Variants in ZER1 observed in about 807,000 individuals in gnomAD.
ZER1 encodes the protein protein zer-1 homolog.
In ZER1, 11 loss-of-function variants were observed where a neutral mutation model predicts 78.8. The ratio of observed to expected loss-of-function variants is 0.14; its 90% confidence interval spans 0.09 to 0.23. The LOEUF is 0.23. Ranked by LOEUF, ZER1 falls within the 10% of genes least tolerant of loss-of-function variation. The pLI is 1.00. For missense variants in ZER1, 588 were observed against 996.9 expected, an observed-to-expected ratio of 0.59 and a Z score of 5.52; for synonymous variants, 400 against 407.0, an observed-to-expected ratio of 0.98 and a Z score of 0.21.
At chr9:128,763,253 G>A (rs530436339) in intron 1 of ZER1, among the ~76,000 whole-genome samples, 1 of 152,282 alleles carries the variant, frequency 6.6e-6, no homozygotes, top group Admixed American at 6.5e-5. Context: ...TCACGTAGCT[G>A]ATACCTATGG....
Position 128,740,167 on chromosome 9 carries a change from C to T in ZER1, c.1854-48G>A. 6.6e-7 allele frequency: 1 copy of T among 1,523,676 alleles called. No homozygotes were observed. The highest frequency in any genetic ancestry group is 2.4e-5 in the East Asian group (1 of 41,040). The allele number at this position is 1,523,676 out of a possible 1,614,324, so 94.4% of individuals were successfully genotyped here. Reference sequence around the variant, plus strand: ...ATGGAGTCCCACTCCCCCAGTTTCTCTTCAGATACCAGCGGCAGGACCCCA... The same window carrying T: ...ATGGAGTCCCACTCCCCCAGTTTCTTTTCAGATACCAGCGGCAGGACCCCA... On this transcript the variant is annotated intron_variant, in intron 12 of 15. Transcript: ENST00000291900. The surrounding 1 kb of genome is among the most constrained non-coding windows in gnomAD (Gnocchi z 4.4).
At chr9:128,735,133 G>A (rs954829437) in intron 14 of ZER1, among the ~76,000 whole-genome samples, 1 of 152,226 alleles carries the variant, frequency 6.6e-6, no homozygotes, top group Non-Finnish European at 1.5e-5. Flanking sequence ...TATTTCGCCT[G>A]CCAGGCCTGC....
chr9:128,741,733 C>T, intron 10 of ZER1, 67 bp downstream of exon 10: 1 of 1,614,040 alleles, frequency 6.2e-7, no homozygotes, highest in Non-Finnish European at 8.5e-7. Context: ...AGACCTCCCC[C>T]AGGGGCAGCC....
chr9:128,735,536 A>G (rs1863036994), intron 13 of ZER1, 105 bp from the exon 14 acceptor site: 2 of 1,100,112 alleles, frequency 1.8e-6, no homozygotes, highest in Admixed American at 2.5e-5. Context: ...ACCAACCATG[A>G]TAGGCTGGCA....
At chr9:128,735,989 C>T (rs1190254006) in intron 13 of ZER1, among the ~76,000 whole-genome samples, 1 of 151,782 alleles carries the variant, frequency 6.6e-6, no homozygotes, top group African/African-American at 2.4e-5. Context: ...TGCTCTGTCG[C>T]TCAGGCTGGA....
At chr9:128,750,531 G>A (rs1863639560) in intron 8 of ZER1, 85 bp downstream of exon 8, 1 of 1,498,804 alleles carries the variant, frequency 6.7e-7, no homozygotes, top group Non-Finnish European at 9.1e-7. Context: ...GCAGCCCAGA[G>A]CCGGGGGAGC....
At chr9:128,741,025 C>T (rs1264794552) in intron 11 of ZER1, 138 bp from the exon 12 acceptor site, 168 of 628,864 alleles carry the variant, frequency 2.7e-4, no homozygotes, top group Non-Finnish European at 2.3e-5. Flanking sequence ...CCCTCCTACC[C>T]TCCAATGCTC....
intron 1 of ZER1, among the ~76,000 whole-genome samples, chr9:128,770,803 A>G (rs893647282): frequency 9.9e-5 from 15 of 152,146 alleles, no homozygotes; most frequent in Non-Finnish European, 1.9e-4. Context: ...CTGAAGAGAA[A>G]CATTCTGTGA....
intron 13 of ZER1, among the ~76,000 whole-genome samples, chr9:128,738,414 C>T (rs1265650463): frequency 4.7e-5 from 7 of 149,972 alleles, no homozygotes; most frequent in African/African-American, 1.7e-4. Flanking sequence ...GAGACGGAGT[C>T]TCGCTCTGTC....
chr9:128,754,080 C>T lies in ZER1; in HGVS notation c.159-121G>A. On this transcript the variant is annotated intron_variant, in intron 2 of 15. Transcript: ENST00000291900. The surrounding 1 kb of genome is among the most constrained non-coding windows in gnomAD (Gnocchi z 4.3). ...CACCCCAAGTAGCAACCTCCTTCTC[C>T]TAAGAGTATCTGGTCAGATCCTGAC... is the stretch of plus-strand genomic sequence containing the variant. The T allele has an allele frequency of 8.0e-7, 1 of 1,244,768 alleles. No individual in the cohort carries two copies. Among genetic ancestry groups the T allele is most frequent in the African/African-American group, 1.5e-5 (1 of 66,048 alleles). 77.1% of individuals were successfully genotyped at this position (1,244,768 alleles called of 1,614,324 possible). A position where few individuals can be genotyped will look rare whatever the true frequency, so the allele number is the denominator to read the frequency against.
intron 8 of ZER1, among the ~76,000 whole-genome samples, chr9:128,746,872 G>A (rs1031388126): frequency 3.9e-5 from 6 of 151,940 alleles, no homozygotes; most frequent in Admixed American, 3.3e-4. Flanking sequence ...CTGACCTCAG[G>A]TGATCCACCC....
chr9:128,739,800 AGT>A (rs1863228088), intron 13 of ZER1, 129 bp downstream of exon 13: 2 of 1,132,178 alleles, frequency 1.8e-6, no homozygotes, highest in South Asian at 3.1e-5. Context: ...CGTATCAATG[AGT>A]GAAAGCAGAA....
intron 8 of ZER1, among the ~76,000 whole-genome samples, chr9:128,745,702 G>C (rs1589526746): frequency 6.6e-6 from 1 of 152,036 alleles, no homozygotes; most frequent in Admixed American, 6.6e-5. Flanking sequence ...CCAGCCTGGA[G>C]TACAGTGGTG....
chr9:128,766,643 C>T (rs921819229), intron 1 of ZER1, among the ~76,000 whole-genome samples: 15 of 151,380 alleles, frequency 9.9e-5, no homozygotes, highest in Non-Finnish European at 2.1e-4. Context: ...GTCAGGAGTT[C>T]GAGCCCAGCC....
chr9:128,740,579 C>CAA lies in ZER1; in HGVS notation c.1853+191_1853+192dup, dbSNP rs111851383. Reference sequence around the variant, plus strand: ...TGGGTGACAGAGCAAGACTCCATCTCAAAAAAAAAAAAAAAGATATAATTA... The same window carrying CAA: ...TGGGTGACAGAGCAAGACTCCATCTCAAAAAAAAAAAAAAAAAGATATAATTA... On this transcript the variant is annotated intron_variant, in intron 12 of 15. Transcript: ENST00000291900. The surrounding 1 kb of genome is among the most constrained non-coding windows in gnomAD (Gnocchi z 4.4). Among the ~76,000 whole-genome samples the CAA allele has an allele frequency of 1.9e-5, 2 of 103,888 alleles. No homozygotes were observed. The highest frequency in any genetic ancestry group is 2.1e-5 in the Non-Finnish European group (1 of 48,288). The allele number at this position is 103,888 out of a possible 152,430, so 68.2% of individuals were successfully genotyped here.
At chr9:128,763,984 T>A (rs1209810103) in intron 1 of ZER1, among the ~76,000 whole-genome samples, 13 of 141,688 alleles carry the variant, frequency 9.2e-5, no homozygotes, top group Admixed American at 2.8e-4. Context: ...CAAAACTCCA[T>A]CAAAAAAAAA....
intron 13 of ZER1, among the ~76,000 whole-genome samples, chr9:128,737,354 G>A (rs550853514): frequency 3.3e-4 from 50 of 152,196 alleles, no homozygotes; most frequent in African/African-American, 1.2e-3. Context: ...CCTGAAACAC[G>A]TGTGTGCAAA....
At chr9:128,771,348 C>A (rs1217168047) in intron 1 of ZER1, among the ~76,000 whole-genome samples, 1 of 152,180 alleles carries the variant, frequency 6.6e-6, no homozygotes, top group Admixed American at 6.5e-5. Flanking sequence ...CTACACCGAT[C>A]CCCCATCTTG....
At position 128,753,231 on chromosome 9, in the gene ZER1, G is replaced by C; in HGVS notation, c.679C>G (p.Leu227Val). Reference protein sequence around the residue: ...LTQWKDSLVSLVLYNMDLSDD... With the variant: ...LTQWKDSLVSVVLYNMDLSDD... ...GACAGGTCCATGTTGTAGAGGACGA[G>C]GGACACCAGGCTGTCTTTCCACTGG... The change falls in exon 4 of 16, where the codon CTC becomes GTC. Residue 227 changes from leucine (L) to valine (V), a missense_variant. Physicochemically the swap from Leu to Val is conservative, Grantham distance 32. Around this residue, in one of 3 missense-constraint regions of ZER1, gnomAD observed 406 missense variants for 660.1 expected, o/e 0.62. Transcript: ENST00000291900. The surrounding 1 kb of genome is among the most constrained non-coding windows in gnomAD (Gnocchi z 7.5). The C allele has an allele frequency of 6.3e-7, 1 of 1,590,060 alleles. No individual in the cohort carries two copies. Among genetic ancestry groups the C allele is most frequent in the African/African-American group, 1.3e-5 (1 of 74,586 alleles).
Sources: allele counts gnomAD v4.1 joint callset (sites outside exome capture counted in the v4.1 genomes callset), GRCh38; gene constraint gnomAD v4.1.1; regional missense constraint gnomAD v4.1.1; non-coding constraint Gnocchi (gnomAD v3.1); transcripts MANE v1.5; gene names NCBI Gene and HGNC (gene_info 2026-07-23, HGNC 2026-07-21).